TGS1: variants seen among roughly 807,000 people sequenced by gnomAD.
TGS1 encodes the protein trimethylguanosine synthase 1.
In TGS1, 69 loss-of-function variants were observed where a neutral mutation model predicts 92.2. That is an observed-to-expected ratio of 0.75 (90% CI 0.62 to 0.91). The LOEUF is 0.91. Ranked by LOEUF, TGS1 falls within the 40% of genes least tolerant of loss-of-function variation. The pLI is 0.00. For synonymous variants in TGS1, 345 were observed against 338.1 expected (o/e 1.02, Z -0.22); for missense variants, 1,062 against 1,001.2 (o/e 1.06, Z -0.82).
At chr8:55,777,947 A>G (rs1811447444) in intron 1 of TGS1, among the ~76,000 whole-genome samples, 1 of 151,394 alleles carries the variant, frequency 6.6e-6, no homozygotes, top group Non-Finnish European at 1.5e-5. Flanking sequence ...CCCCTGAGGT[A>G]TGTCTTGTTA....
At chr8:55,804,580 A>T (rs1184960727) in intron 9 of TGS1, among the ~76,000 whole-genome samples, 1 of 152,202 alleles carries the variant, frequency 6.6e-6, no homozygotes, top group Non-Finnish European at 1.5e-5. Context: ...TATTTTCCAC[A>T]GGAGTCAGTA....
chr8:55,781,958 T>C (rs1811576083), intron 1 of TGS1, among the ~76,000 whole-genome samples: 1 of 152,182 alleles, frequency 6.6e-6, no homozygotes, highest in Non-Finnish European at 1.5e-5. Context: ...TAACCTTTGC[T>C]CAGACCATGA....
In TGS1 at chr8:55,780,379, C is replaced by A. The variant is rs145662949; in HGVS notation, c.102-2369C>A. On this transcript the variant is annotated intron_variant, in intron 1 of 12. Transcript: ENST00000260129. ...AGAGGTGGGGTCTGACCTTGCATAA[C>A]CTGGGTCTGTCTGATGTTTCATCAG... Among the ~76,000 whole-genome samples the A allele has an allele frequency of 9.0e-3, 1,367 of 151,904 alleles. 25 individuals carry two copies. The highest frequency in any genetic ancestry group is 0.032 in the African/African-American group (1,308 of 41,406).
chr8:55,791,765 G>GC (rs1811891103), intron 5 of TGS1, among the ~76,000 whole-genome samples: 4 of 152,154 alleles, frequency 2.6e-5, no homozygotes, highest in Non-Finnish European at 5.9e-5. Flanking sequence ...CCAAATAAAA[G>GC]TTCTTTTTTT....
intron 1 of TGS1, among the ~76,000 whole-genome samples, chr8:55,776,680 T>C (rs1585750414): frequency 6.6e-6 from 1 of 152,232 alleles, no homozygotes; most frequent in East Asian, 1.9e-4. Flanking sequence ...ATTTCATTTC[T>C]GCCTTTTAGT....
At chr8:55,787,128 T>A (rs1811743486) in intron 4 of TGS1, 68 bp downstream of exon 4, 1 of 1,058,730 alleles carries the variant, frequency 9.4e-7, no homozygotes, top group Non-Finnish European at 1.4e-6. Context: ...GCAAAATAAC[T>A]ACTAATCCTT....
chr8:55,799,661 T>G (rs1305697847), intron 8 of TGS1, among the ~76,000 whole-genome samples: 1 of 152,206 alleles, frequency 6.6e-6, no homozygotes, highest in African/African-American at 2.4e-5. Flanking sequence ...CACTACATCC[T>G]TGACCCCCAG....
intron 6 of TGS1, among the ~76,000 whole-genome samples, chr8:55,794,126 A>C: frequency 6.6e-6 from 1 of 152,218 alleles, no homozygotes; most frequent in African/African-American, 2.4e-5. Context: ...AGATCTAAGC[A>C]TAATGCCCTA....
intron 6 of TGS1, 66 bp from the exon 7 acceptor site, chr8:55,795,912 C>A: frequency 8.1e-7 from 1 of 1,237,584 alleles, no homozygotes; most frequent in Non-Finnish European, 1.2e-6. Flanking sequence ...GTTTCATCCT[C>A]TTTTCCTATA....
chr8:55,808,683 A>G (rs944266332), intron 10 of TGS1, among the ~76,000 whole-genome samples: 21 of 151,536 alleles, frequency 1.4e-4, no homozygotes, highest in Admixed American at 3.3e-4. Flanking sequence ...TAATTTTTTT[A>G]TTTTTAGTAG....
At chr8:55,777,499 A>G (rs993327356) in intron 1 of TGS1, among the ~76,000 whole-genome samples, 1 of 151,706 alleles carries the variant, frequency 6.6e-6, no homozygotes, top group South Asian at 2.1e-4. Flanking sequence ...TGTCTTTGCT[A>G]TATTTGAAGT....
chr8:55,813,938 T>G (rs1803402278), intron 12 of TGS1, among the ~76,000 whole-genome samples: 1 of 152,044 alleles, frequency 6.6e-6, no homozygotes, highest in South Asian at 2.1e-4. Context: ...GCGCTTTTTT[T>G]GTTGTTGTTT....
intron 12 of TGS1, among the ~76,000 whole-genome samples, chr8:55,823,592 C>T (rs1386265747): frequency 6.6e-6 from 1 of 152,166 alleles, no homozygotes; most frequent in African/African-American, 2.4e-5. Context: ...GGAAAAGTCA[C>T]TAGAGGCTAG....
In TGS1 at chr8:55,804,909, T is replaced by G; in HGVS notation, c.2016T>G (p.Val672=). The part of the protein sequence containing the change: ...IKLDREGWFS[V]TPEKIAEHIA... ...CCTTTGCAGAGGGCTGGTTTTCAGT[T>G]ACACCCGAGAAGATTGCTGAACACA... The change falls in exon 10 of 13, where the codon GTT becomes GTG. Residue 672 remains valine (V), a synonymous_variant. Transcript: ENST00000260129. 1 of 1,613,832 alleles carries G rather than the reference T, an allele frequency of 6.2e-7. No individual in the cohort carries two copies. The highest frequency in any genetic ancestry group is 8.5e-7 in the Non-Finnish European group (1 of 1,179,818).
chr8:55,783,014 A>G (rs952437875), intron 2 of TGS1, among the ~76,000 whole-genome samples: 10 of 152,194 alleles, frequency 6.6e-5, no homozygotes, highest in African/African-American at 2.4e-4. Context: ...ATTTTTCTAT[A>G]GCTCCTGTGC....
In TGS1 at chr8:55,802,484, A is replaced by G. The variant is rs1812245640; in HGVS notation, c.1877A>G (p.Lys626Arg). 1 of 1,613,856 alleles carries G rather than the reference A, an allele frequency of 6.2e-7. No homozygotes were observed. The highest frequency in any genetic ancestry group is 8.5e-7 in the Non-Finnish European group (1 of 1,179,962). ...GAAGTGAAAAAGAAGAAGAACAAGA[A>G]GAAGAACAAAAAGGTGAATGGTCTG... ...EAEVKKKKNKKKNKKVNGLPP... is the reference protein window; with the variant it reads ...EAEVKKKKNKRKNKKVNGLPP... The change falls in exon 9 of 13, where the codon AAG (lysine) becomes AGG (arginine). Residue 626 changes from lysine (K) to arginine (R), a missense_variant. Transcript: ENST00000260129.
At position 55,782,752 on chromosome 8, in the gene TGS1, C is replaced by G. The variant is rs756384821; in HGVS notation, c.106C>G (p.Arg36Gly). The stretch of plus-strand genomic sequence containing the variant: ...ACTGCTTAATCTGCTTCGCAGGGAT[C>G]GAAAATTGTACAATTTGGGATTAAA... ...CLCSRAFVED[R>G]KLYNLGLKGY... Residue 36 changes from arginine (R) to glycine (G), a missense_variant, in exon 2 of 13, where the codon CGA becomes GGA. Transcript: ENST00000260129. 1.2e-6 allele frequency: 2 copies of G among 1,609,332 alleles called. No homozygotes were observed. The highest frequency in any genetic ancestry group is 4.5e-5 in the East Asian group (2 of 44,636).
Position 55,786,656 on chromosome 8 carries a change from A to C in TGS1, c.758A>C (p.Gln253Pro). The change falls in exon 4 of 13, where the codon CAG becomes CCG. Residue 253 changes from glutamine to proline, a missense_variant. By Grantham distance (76) the Gln-to-Pro change is moderately conservative. Coordinates refer to ENST00000260129, the MANE Select transcript of TGS1 (RefSeq NM_024831.8). Reference protein sequence around the residue: ...QLYWYYLEQFQYWEAQGWTFD... With the variant: ...QLYWYYLEQFPYWEAQGWTFD... ...TATTGGTATTATTTGGAACAATTTC[A>C]GTATTGGGAAGCTCAGGGTTGGACT... The C allele has an allele frequency of 6.2e-7, 1 of 1,614,206 alleles. No homozygotes were observed. Among genetic ancestry groups the C allele is most frequent in the Non-Finnish European group, 8.5e-7 (1 of 1,180,036 alleles).
rs371935122 is a variant in TGS1 at position 55,792,737 on chromosome 8, T to C, written c.1320T>C (p.Phe440=). The C allele has an allele frequency of 6.8e-6, 11 of 1,614,022 alleles. No individual in the cohort carries two copies. The East Asian group carries it at 1.3e-4, about 20-fold the overall frequency. ...LDIDENPASD[F]DDSGSLLGFK... The stretch of plus-strand genomic sequence containing the variant: ...TTGATGAAAACCCAGCTTCAGACTT[T>C]GATGACAGTGGTTCCCTTCTAGGAT... The change falls in exon 6 of 13, where the codon TTT becomes TTC. Residue 440 remains phenylalanine (F), a synonymous_variant. Coordinates refer to ENST00000260129, the MANE Select transcript of TGS1 (RefSeq NM_024831.8).
Sources: gnomAD v4.1 joint callset for allele counts (sites outside exome capture counted in the v4.1 genomes callset) on GRCh38, gnomAD v4.1.1 for gene constraint, MANE v1.5 for transcripts, NCBI Gene and HGNC (gene_info 2026-07-23, HGNC 2026-07-21) for gene names.